PDGFRL: variants seen among roughly 807,000 people sequenced by gnomAD.
PDGFRL encodes the protein platelet derived growth factor receptor like.
In PDGFRL, 46 loss-of-function variants were observed where a neutral mutation model predicts 37.2. The ratio of observed to expected loss-of-function variants is 1.24; its 90% CI spans 0.98 to 1.58. The LOEUF (loss-of-function observed/expected upper bound fraction) is 1.58. Among genes scored for constraint, PDGFRL ranks in the 40% most tolerant of loss-of-function variants. PDGFRL has a pLI of 0.00. For missense variants in PDGFRL, 692 were observed against 467.6 expected (o/e 1.48, Z -4.43); for synonymous variants, 251 against 184.3 (o/e 1.36, Z -2.93).
intron 2 of PDGFRL, among the ~76,000 whole-genome samples, chr8:17,609,202 A>C (rs1172074532): frequency 6.6e-6 from 1 of 151,682 alleles, no homozygotes; most frequent in Non-Finnish European, 1.5e-5. Flanking sequence ...ACTGTCTCAA[A>C]TAGTGATAAT....
intron 5 of PDGFRL, among the ~76,000 whole-genome samples, chr8:17,641,370 T>C (rs1046746959): frequency 6.6e-5 from 10 of 152,198 alleles, no homozygotes; most frequent in African/African-American, 2.4e-4. Flanking sequence ...CCTGTGGTCT[T>C]TTCCCAGTTT....
At chr8:17,609,277 C>A (rs1417340793) in intron 2 of PDGFRL, among the ~76,000 whole-genome samples, 1 of 151,944 alleles carries the variant, frequency 6.6e-6, no homozygotes, top group Non-Finnish European at 1.5e-5. Context: ...GTGGCTGAGG[C>A]TGGTGGATCA....
At chr8:17,640,627 C>T (rs768958280) in intron 5 of PDGFRL, among the ~76,000 whole-genome samples, 1 of 152,118 alleles carries the variant, frequency 6.6e-6, no homozygotes, top group Non-Finnish European at 1.5e-5. Context: ...CCTTTGATGT[C>T]TCAGGTCTCT....
chr8:17,639,189 C>T (rs1452714729), intron 5 of PDGFRL, among the ~76,000 whole-genome samples: 1 of 152,148 alleles, frequency 6.6e-6, no homozygotes, highest in Non-Finnish European at 1.5e-5. Context: ...ACAGCAGATA[C>T]TTGGTTGGTG....
intron 2 of PDGFRL, among the ~76,000 whole-genome samples, chr8:17,597,240 A>C (rs74861035): frequency 0.14 from 21,919 of 152,078 alleles, 4,222 homozygotes; most frequent in African/African-American, 0.43. Flanking sequence ...AGGCTGGTCT[A>C]CACCTCTTGG....
chr8:17,610,489 A>G (rs192813543), intron 2 of PDGFRL, among the ~76,000 whole-genome samples: 9 of 152,342 alleles, frequency 5.9e-5, no homozygotes, highest in African/African-American at 1.9e-4. Context: ...AAAATCTGAG[A>G]AAAATCTGAA....
chr8:17,588,154 AAC>A, intron 1 of PDGFRL, among the ~76,000 whole-genome samples: 1 of 35,948 alleles, frequency 2.8e-5, no homozygotes, highest in Non-Finnish European at 1.3e-4. Flanking sequence ...AGCAACTCTC[AAC>A]AATGTTGGTG....
At chr8:17,605,413 A>C (rs1804253192) in intron 2 of PDGFRL, among the ~76,000 whole-genome samples, 1 of 152,160 alleles carries the variant, frequency 6.6e-6, no homozygotes, top group Non-Finnish European at 1.5e-5. Context: ...AACTTTGTGT[A>C]AGAATATTCT....
Position 17,589,643 on chromosome 8 carries a change from C to G in PDGFRL, c.231C>G (p.Phe77Leu), listed in dbSNP as rs765303544. ...IMMQVLDKGR[F>L]QKPAATLSLL... ...TGCAAGTGCTGGATAAAGGTCGCTT[C>G]CAGAAACCCGCCGCTACCCTGAGTC... Residue 77 changes from phenylalanine (F) to leucine (L), a missense_variant, in exon 2 of 6, where the codon TTC (phenylalanine) becomes TTG (leucine). Phe to Leu is a conservative substitution (Grantham distance 22). Transcript: ENST00000251630. 3.7e-6 allele frequency: 6 copies of G among 1,613,874 alleles called. No individual in the cohort carries two copies.
At chr8:17,579,081 C>T (rs1027810833) in intron 1 of PDGFRL, among the ~76,000 whole-genome samples, 2 of 151,958 alleles carry the variant, frequency 1.3e-5, no homozygotes, top group African/African-American at 4.8e-5. Context: ...ACGTGTAATC[C>T]CAGCTACTTG....
chr8:17,586,211 C>T (rs1803813165), intron 1 of PDGFRL, among the ~76,000 whole-genome samples: 1 of 152,320 alleles, frequency 6.6e-6, no homozygotes, highest in East Asian at 1.9e-4. Context: ...TCCTTGGCCT[C>T]TCAGAGTGCT....
rs1030454335 is a variant in PDGFRL, at chr8:17,642,932, G to T, written c.*131G>T. ...ACACCCCAACCCCAGCGTCTCGTGA[G>T]TCCGACCCAGACATCCAAACTAAAA... On this transcript the variant is annotated 3_prime_UTR_variant, in exon 6 of 6. Transcript: ENST00000251630. 2 of 611,842 alleles carry T rather than the reference G, an allele frequency of 3.3e-6. No homozygotes were observed. The highest frequency in any genetic ancestry group is 3.7e-5 in the African/African-American group (2 of 53,832). The allele number at this position is 611,842 out of a possible 1,614,324, so 37.9% of individuals were successfully genotyped here.
rs777364742 is a variant in PDGFRL, at chr8:17,642,672, C to T, written c.999C>T (p.His333=). ...TWRLIHRGLG[H]TTRISQSVIT... ...GGTTGATCCACAGAGGACTGGGACA[C>T]ACCACGAGAATCTCCCAGAGTGTCA... Residue 333 remains histidine, a synonymous_variant, in exon 6 of 6, where the codon CAC becomes CAT. Transcript: ENST00000251630. 7 of 1,606,222 alleles carry T rather than the reference C, an allele frequency of 4.4e-6. No individual in the cohort carries two copies. The African/African-American group carries it at 6.7e-5, about 15-fold the overall frequency.
At chr8:17,577,057 G>A (rs1803597794), upstream of PDGFRL, 2 of 630,450 alleles carry the variant, frequency 3.2e-6, no homozygotes, top group South Asian at 4.6e-5. Context: ...CCAGGGGGCA[G>A]GAGAAGTCAC....
upstream of PDGFRL, chr8:17,577,012 C>A (rs1179766641): frequency 8.6e-6 from 5 of 581,146 alleles, no homozygotes; most frequent in African/African-American, 5.9e-5. Flanking sequence ...CTTTCCTCCC[C>A]GCGCTGGGAA....
intron 4 of PDGFRL, among the ~76,000 whole-genome samples, chr8:17,630,607 G>C (rs923175381): frequency 2.0e-5 from 3 of 152,286 alleles, no homozygotes; most frequent in African/African-American, 7.2e-5. Flanking sequence ...GCAGCTCTGA[G>C]TCGGAGGCCA....
chr8:17,587,568 G>C, intron 1 of PDGFRL, among the ~76,000 whole-genome samples: 1 of 152,044 alleles, frequency 6.6e-6, no homozygotes, highest in African/African-American at 2.4e-5. Flanking sequence ...TTTTGAGAGA[G>C]AGTCTTGCTC....
intron 2 of PDGFRL, among the ~76,000 whole-genome samples, chr8:17,619,117 T>C (rs1804584352): frequency 1.3e-5 from 2 of 152,194 alleles, no homozygotes; most frequent in African/African-American, 4.8e-5. Flanking sequence ...ACGGTATTGA[T>C]TCTGCTGCAA....
At chr8:17,584,129 T>C (rs1465312490) in intron 1 of PDGFRL, among the ~76,000 whole-genome samples, 3 of 152,102 alleles carry the variant, frequency 2.0e-5, no homozygotes, top group South Asian at 4.1e-4. Flanking sequence ...GTTTTCAAGA[T>C]GAAGTCAAAA....
Sources: gnomAD v4.1 joint callset for allele counts (sites outside exome capture counted in the v4.1 genomes callset) on GRCh38, gnomAD v4.1.1 for gene constraint, MANE v1.5 for transcripts, NCBI Gene and HGNC (gene_info 2026-07-23, HGNC 2026-07-21) for gene names.